Variants in ERC2 observed in about 807,000 individuals in gnomAD.
ERC2 encodes ERC protein 2.
ERC2 carries 42 observed loss-of-function variants against 114.8 expected under a neutral mutation model. The observed-to-expected ratio is 0.37, with a 90% CI of 0.29 to 0.47. The LOEUF (loss-of-function observed/expected upper bound fraction) is 0.47. ERC2 is among the 20% of genes least tolerant of loss of function. The probability of loss-of-function intolerance (pLI) is 0.99; values close to 1 mark genes in which losing one functional copy is unlikely to be tolerated. For synonymous variants in ERC2, 454 were observed against 425.5 expected, an observed-to-expected ratio of 1.07 and a Z score of -0.82; for missense variants, 939 against 1,150.7, an observed-to-expected ratio of 0.82 and a Z score of 2.66.
intron 17 of ERC2, among the ~76,000 whole-genome samples, chr3:55,563,505 G>A (rs994002719): frequency 6.6e-6 from 1 of 152,190 alleles, no homozygotes; most frequent in Non-Finnish European, 1.5e-5. Flanking sequence ...TCAACCTCTG[G>A]TCACAGTGAT....
At chr3:55,819,599 C>T (rs1381938673) in intron 14 of ERC2, among the ~76,000 whole-genome samples, 1 of 152,154 alleles carries the variant, frequency 6.6e-6, no homozygotes, top group African/African-American at 2.4e-5. Context: ...AATAGAGGGA[C>T]ATGTGGTGAG....
At chr3:56,379,143 T>C (rs560487903) in intron 2 of ERC2, among the ~76,000 whole-genome samples, 2 of 152,320 alleles carry the variant, frequency 1.3e-5, no homozygotes, top group African/African-American at 2.4e-5. Flanking sequence ...TCAATTCAGA[T>C]AGCCCACAGT....
At chr3:55,591,313 AC>A (rs1180419832) in intron 17 of ERC2, among the ~76,000 whole-genome samples, 1 of 151,522 alleles carries the variant, frequency 6.6e-6, no homozygotes, top group Non-Finnish European at 1.5e-5. Context: ...GTCACGTAAA[AC>A]CTCATGTCTC....
At chr3:55,695,940 C>T (rs1263672503) in intron 16 of ERC2, among the ~76,000 whole-genome samples, 1 of 152,174 alleles carries the variant, frequency 6.6e-6, no homozygotes, top group African/African-American at 2.4e-5. Context: ...CTACTAATTG[C>T]CCCAGGACGC....
intron 17 of ERC2, among the ~76,000 whole-genome samples, chr3:55,630,121 G>A (rs1181623283): frequency 6.6e-6 from 1 of 152,188 alleles, no homozygotes; most frequent in Non-Finnish European, 1.5e-5. Context: ...TGAAATATTT[G>A]CAGCTACTCT....
intron 14 of ERC2, 81 bp from the exon 15 acceptor site, chr3:55,734,999 CCA>C (rs1380376626): frequency 5.9e-6 from 8 of 1,364,988 alleles, no homozygotes; most frequent in African/African-American, 1.5e-5. Flanking sequence ...TTGAAATGAA[CCA>C]CAGAGTATTG....
At chr3:55,846,549 T>G (rs952291642) in intron 14 of ERC2, among the ~76,000 whole-genome samples, 1 of 152,222 alleles carries the variant, frequency 6.6e-6, no homozygotes. Flanking sequence ...TAGTTCTGTT[T>G]TTAGCTCTTT....
chr3:56,133,916 G>A (rs370052974), intron 6 of ERC2, among the ~76,000 whole-genome samples: 1 of 152,044 alleles, frequency 6.6e-6, no homozygotes, highest in Non-Finnish European at 1.5e-5. Flanking sequence ...TTGTGGGAAG[G>A]GTCTGTGTGA....
chr3:56,299,059 C>CTA (rs143466343), intron 2 of ERC2, among the ~76,000 whole-genome samples: 2,633 of 147,340 alleles, frequency 0.018, 78 homozygotes, highest in African/African-American at 0.06. Context: ...TTTTATATAT[C>CTA]TATATATATA....
chr3:55,834,055 G>A (rs1420212148), intron 14 of ERC2, among the ~76,000 whole-genome samples: 1 of 151,614 alleles, frequency 6.6e-6, no homozygotes, highest in Non-Finnish European at 1.5e-5. Context: ...AACAAGAAGA[G>A]CTAACTATCC....
At position 56,432,743 on chromosome 3, in the gene ERC2, G is replaced by C. The variant is rs563244341; in HGVS notation, c.657+1608C>G. 3.9e-5 allele frequency among the ~76,000 whole-genome samples: 6 copies of C among 152,198 alleles called. No homozygotes were observed. The South Asian group carries it at 1.2e-3, about 32-fold the overall frequency. On this transcript the variant is annotated intron_variant, in intron 2 of 17. Transcript: ENST00000288221. ...GACTCCAAGAAAGGCAGAGCACTTCGTTAGACCAACATCAAAGCCAGTTAT... is the reference window on the plus strand; with the variant it reads ...GACTCCAAGAAAGGCAGAGCACTTCCTTAGACCAACATCAAAGCCAGTTAT...
At chr3:55,573,504 CA>C (rs2056828585) in intron 17 of ERC2, among the ~76,000 whole-genome samples, 1 of 152,150 alleles carries the variant, frequency 6.6e-6, no homozygotes, top group South Asian at 2.1e-4. Flanking sequence ...GCAGCAGCAG[CA>C]CCAAGAGGCA....
In ERC2 at chr3:55,888,532, A is replaced by G. The variant is rs764048315; in HGVS notation, c.2421T>C (p.Asn807=). The G allele has an allele frequency of 1.4e-5, 22 of 1,613,650 alleles. No homozygotes were observed. The highest frequency in any genetic ancestry group is 1.9e-5 in the Non-Finnish European group (22 of 1,179,806). Residue 807 remains asparagine (N), a synonymous_variant, in exon 14 of 18, where the codon AAT becomes AAC. Coordinates refer to ENST00000288221, the MANE Select transcript of ERC2 (RefSeq NM_015576.3). ...SQHLQIEELM[N]ALEKTRQELD... The stretch of plus-strand genomic sequence containing the variant: ...GTTCCTGTCTGGTCTTCTCCAGTGC[A>G]TTCATCAGTTCCTCTATCTGAAAGG...
In ERC2 at chr3:55,610,046, AAAAC is replaced by A. The variant is rs200524606; in HGVS notation, c.*39+73744_*39+73747del. Among the ~76,000 whole-genome samples, 239 of 138,800 alleles carry A rather than the reference AAAAC, an allele frequency of 1.7e-3. 2 individuals are homozygous for A. In the East Asian group the frequency reaches 0.042, roughly 24 times the overall value. The allele number at this position is 138,800 out of a possible 152,430, so 91.1% of individuals were successfully genotyped here. On this transcript the variant is annotated intron_variant, in intron 17 of 17. Coordinates refer to ENST00000288221, the MANE Select transcript of ERC2 (RefSeq NM_015576.3). The stretch of plus-strand genomic sequence containing the variant: ...TATCCCAGGACTTGAGAGAAAGCAA[AAAAC>A]AAACAAACACAAACAAAAAAAAAAA...
chr3:56,149,493 G>A (rs142715287), intron 4 of ERC2, among the ~76,000 whole-genome samples: 284 of 152,240 alleles, frequency 1.9e-3, no homozygotes, highest in African/African-American at 6.5e-3. Flanking sequence ...TAGTTTACCT[G>A]TGTATATTTT....
At chr3:56,070,072 C>T (rs924636945) in intron 7 of ERC2, among the ~76,000 whole-genome samples, 7 of 152,318 alleles carry the variant, frequency 4.6e-5, no homozygotes, top group East Asian at 3.9e-4. Context: ...GTATTATAGA[C>T]ATTTTGAATC....
intron 1 of ERC2, among the ~76,000 whole-genome samples, chr3:56,459,267 C>T (rs757510529): frequency 4.6e-5 from 7 of 152,156 alleles, no homozygotes; most frequent in Non-Finnish European, 1.0e-4. Flanking sequence ...ATTAGTCATA[C>T]CATTTAGCAG....
At chr3:55,932,151 A>G (rs2066134124) in intron 13 of ERC2, among the ~76,000 whole-genome samples, 1 of 152,212 alleles carries the variant, frequency 6.6e-6, no homozygotes, top group Admixed American at 6.5e-5. Flanking sequence ...TTGAAGACAG[A>G]CAGTATGTCT....
chr3:56,004,488 G>C (rs2072321613), intron 10 of ERC2, among the ~76,000 whole-genome samples: 1 of 151,976 alleles, frequency 6.6e-6, no homozygotes, highest in Non-Finnish European at 1.5e-5. Context: ...AGTATTGAAG[G>C]CATCTTAAAT....
Sources: allele counts gnomAD v4.1 joint callset (sites outside exome capture counted in the v4.1 genomes callset), GRCh38; gene constraint gnomAD v4.1.1; transcripts MANE v1.5; gene names NCBI Gene and HGNC (gene_info 2026-07-23, HGNC 2026-07-21).